Variants in SRRM5 observed in about 807,000 individuals in gnomAD.
SRRM5 encodes the protein serine/arginine repetitive matrix 5, also known as serine/arginine repetitive matrix protein 5.
SRRM5 carries 1 observed loss-of-function variant against 1.3 expected under a neutral mutation model. The observed-to-expected ratio is 0.76, with a 90% CI of 0.27 to 3.59. SRRM5 has a LOEUF of 3.59. SRRM5 is among the 30% of genes most tolerant of loss of function. The pLI is 0.19. For synonymous variants in SRRM5, 275 were observed against 320.2 expected, an observed-to-expected ratio of 0.86 and a Z score of 1.51; for missense variants, 875 against 914.5, an observed-to-expected ratio of 0.96 and a Z score of 0.56.
At position 43,613,544 on chromosome 19, in the gene SRRM5, C is replaced by T. The variant is rs184949308; in HGVS notation, c.1423C>T (p.Arg475Ter). The T allele has an allele frequency of 9.3e-5, 144 of 1,551,256 alleles. 2 individuals carry two copies. In the Admixed American group the frequency reaches 1.4e-3, roughly 15 times the overall value. ...TCCCAACAAGGCGAGAGATCGCAGC[C>T]GATCTAGAAGCCCCAGCAAGGAAAG... The change falls in exon 3 of 3, where the codon CGA (arginine) becomes TGA (stop). Residue 475 changes from arginine to a stop codon, truncating the protein, a stop_gained. Transcript: ENST00000607544. LOFTEE classifies it low-confidence loss of function (END_TRUNC).
Position 43,613,830 on chromosome 19 carries a change from G to A in SRRM5, c.1709G>A (p.Arg570Lys). 1.9e-6 allele frequency: 3 copies of A among 1,549,520 alleles called. No individual in the cohort carries two copies. The highest frequency in any genetic ancestry group is 2.6e-6 in the Non-Finnish European group (3 of 1,145,290). Residue 570 changes from arginine to lysine, a missense_variant, in exon 1 of 1, where the codon AGA (arginine) becomes AAA (lysine). Physicochemically the swap from Arg to Lys is conservative, Grantham distance 26. Transcript: ENST00000417606. ...AGCCCCAGCAAAGAGAGAGATCGCA[G>A]ACGATGGAGAAGCCCCAGCAAGGAG... Reference protein sequence around the residue: ...SRSPSKERDRRRWRSPSKERE... With the variant: ...SRSPSKERDRKRWRSPSKERE...
Position 43,612,100 on chromosome 19 carries a change from C to T in SRRM5, c.-22C>T, listed in dbSNP as rs919494345. On this transcript the variant is annotated 5_prime_UTR_variant, in exon 1 of 1. Coordinates refer to ENST00000417606, the MANE Select transcript of SRRM5 (RefSeq NM_001145641.2). This position sits in a 1 kb window ranked among gnomAD's most constrained non-coding sequence, Gnocchi z 4.2. Reference sequence around the variant, plus strand: ...TCATGTCTACTGTGACTTCCAGGACCACAAGCCCTTTTGCGCCCACCATGT... The same window carrying T: ...TCATGTCTACTGTGACTTCCAGGACTACAAGCCCTTTTGCGCCCACCATGT... 6.5e-7 allele frequency: 1 copy of T among 1,533,234 alleles called. No homozygotes were observed. The highest frequency in any genetic ancestry group is 8.8e-7 in the Non-Finnish European group (1 of 1,131,118). 95.0% of individuals were successfully genotyped at this position (1,533,234 alleles called of 1,614,324 possible).
chr19:43,613,849 C>A lies in SRRM5; in HGVS notation c.1728C>A (p.Ser576Arg), dbSNP rs1205499903. The A allele has an allele frequency of 3.2e-6, 5 of 1,551,400 alleles. No individual in the cohort carries two copies. The highest frequency in any genetic ancestry group is 2.4e-5 in the South Asian group (2 of 84,052). ...ERDRRRWRSPSKERERRQSRS... is the reference protein window; with the variant it reads ...ERDRRRWRSPRKERERRQSRS... ...ATCGCAGACGATGGAGAAGCCCCAG[C>A]AAGGAGAGAGAGCGCAGACAATCTA... Residue 576 changes from serine to arginine, a missense_variant, in exon 1 of 1, where the codon AGC becomes AGA. Transcript: ENST00000417606.
rs1302830420 is a variant in SRRM5 at position 43,612,339 on chromosome 19, C to T, written c.218C>T (p.Ala73Val). ...ACCAAATCGACCAGTACAAAAAGAGCCCCTTCTAACCGGCCCAGCAGCAGG... is the reference window on the plus strand; with the variant it reads ...ACCAAATCGACCAGTACAAAAAGAGTCCCTTCTAACCGGCCCAGCAGCAGG... ...KSTKSTSTKR[A>V]PSNRPSSRSR... Residue 73 changes from alanine (A) to valine (V), a missense_variant, in exon 1 of 1, where the codon GCC (alanine) becomes GTC (valine). Coordinates refer to ENST00000417606, the MANE Select transcript of SRRM5 (RefSeq NM_001145641.2). The surrounding 1 kb of genome is among the most constrained non-coding windows in gnomAD (Gnocchi z 4.2). The T allele has an allele frequency of 1.1e-5, 17 of 1,551,660 alleles. No homozygotes were observed. Among genetic ancestry groups the T allele is most frequent in the Non-Finnish European group, 1.5e-5 (17 of 1,146,996 alleles).
rs1272154129 is a variant in SRRM5, at chr19:43,613,825, T to G, written c.1704T>G (p.Asp568Glu). Reference sequence around the variant, plus strand: ...CCAGAAGCCCCAGCAAAGAGAGAGATCGCAGACGATGGAGAAGCCCCAGCA... The same window carrying G: ...CCAGAAGCCCCAGCAAAGAGAGAGAGCGCAGACGATGGAGAAGCCCCAGCA... ...RQSRSPSKER[D>E]RRRWRSPSKE... The change falls in exon 1 of 1, where the codon GAT becomes GAG. Residue 568 changes from aspartate (D) to glutamate (E), a missense_variant. Physicochemically the swap from Asp to Glu is conservative, Grantham distance 45 (BLOSUM62 2). Coordinates refer to ENST00000417606, the MANE Select transcript of SRRM5 (RefSeq NM_001145641.2). 7 of 1,548,832 alleles carry G rather than the reference T, an allele frequency of 4.5e-6. No homozygotes were observed. Among genetic ancestry groups the G allele is most frequent in the Non-Finnish European group, 6.1e-6 (7 of 1,145,146 alleles).
Position 43,612,824 on chromosome 19 carries a change from T to A in SRRM5, c.703T>A (p.Ser235Thr), listed in dbSNP as rs1016440276. 2 of 1,551,290 alleles carry A rather than the reference T, an allele frequency of 1.3e-6. No individual in the cohort carries two copies. Among genetic ancestry groups the A allele is most frequent in the African/African-American group, 2.7e-5 (2 of 72,964 alleles). ...CTCCAAGGAGAAGAGTGACAACCCA[T>A]CTCCATCCTCATCAAGGAAGGTGAA... ...IPSKEKSDNP[S>T]PSSSRKVKSY... Residue 235 changes from serine to threonine, a missense_variant, in exon 1 of 1, where the codon TCT becomes ACT. By Grantham distance (58) the Ser-to-Thr change is moderately conservative. Coordinates refer to ENST00000417606, the MANE Select transcript of SRRM5 (RefSeq NM_001145641.2). This position sits in a 1 kb window ranked among gnomAD's most constrained non-coding sequence, Gnocchi z 4.2.
Position 43,613,167 on chromosome 19 carries a change from G to A in SRRM5, c.1046G>A (p.Arg349Lys). The change falls in exon 1 of 1, where the codon AGA becomes AAA. Residue 349 changes from arginine to lysine, a missense_variant. Arg to Lys is a conservative substitution (Grantham distance 26, BLOSUM62 2). Transcript: ENST00000417606. Reference sequence around the variant, plus strand: ...CAAAACCAATCTAGAACCCCCAGAAGAGGAAGAAGTCACAACTGGTCTAGA... The same window carrying A: ...CAAAACCAATCTAGAACCCCCAGAAAAGGAAGAAGTCACAACTGGTCTAGA... ...KSQNQSRTPR[R>K]GRSHNWSRNP... 1 of 1,551,672 alleles carries A rather than the reference G, an allele frequency of 6.4e-7. No homozygotes were observed. The highest frequency in any genetic ancestry group is 8.7e-7 in the Non-Finnish European group (1 of 1,146,996).
Position 43,613,760 on chromosome 19 carries a change from C to A in SRRM5, c.1639C>A (p.Gln547Lys), listed in dbSNP as rs1272874136. ...CCCCAACAAGGAGAGAGATCGCAGC[C>A]AATCTAGAAGCCCCAGCGAGGAGAG... ...RSPNKERDRSQSRSPSEEREH... is the reference protein window; with the variant it reads ...RSPNKERDRSKSRSPSEEREH... Residue 547 changes from glutamine to lysine, a missense_variant, in exon 1 of 1, where the codon CAA becomes AAA. Physicochemically the swap from Gln to Lys is moderately conservative, Grantham distance 53. Coordinates refer to ENST00000417606, the MANE Select transcript of SRRM5 (RefSeq NM_001145641.2). 6.4e-7 allele frequency: 1 copy of A among 1,551,518 alleles called. No homozygotes were observed. The highest frequency in any genetic ancestry group is 8.7e-7 in the Non-Finnish European group (1 of 1,146,884).
Position 43,613,753 on chromosome 19 carries a change from T to G in SRRM5, c.1632T>G (p.Asp544Glu), listed in dbSNP as rs762975116. 2.6e-6 allele frequency: 4 copies of G among 1,550,554 alleles called. No homozygotes were observed. The South Asian group carries it at 4.8e-5, about 18-fold the overall frequency. ...RQSRSPNKERDRSQSRSPSEE... is the reference protein window; with the variant it reads ...RQSRSPNKERERSQSRSPSEE... ...CTAGAAGCCCCAACAAGGAGAGAGA[T>G]CGCAGCCAATCTAGAAGCCCCAGCG... Residue 544 changes from aspartate to glutamate, a missense_variant, in exon 1 of 1, where the codon GAT becomes GAG. Physicochemically the swap from Asp to Glu is conservative, Grantham distance 45 (BLOSUM62 2). Transcript: ENST00000417606.
chr19:43,612,106 C>T lies in SRRM5; in HGVS notation c.-16C>T. On this transcript the variant is annotated 5_prime_UTR_variant, in exon 1 of 1. Coordinates refer to ENST00000417606, the MANE Select transcript of SRRM5 (RefSeq NM_001145641.2). The surrounding 1 kb of genome is among the most constrained non-coding windows in gnomAD (Gnocchi z 4.2). ...CTACTGTGACTTCCAGGACCACAAGCCCTTTTGCGCCCACCATGTCTTCAC... is the reference window on the plus strand; with the variant it reads ...CTACTGTGACTTCCAGGACCACAAGTCCTTTTGCGCCCACCATGTCTTCAC... 1 of 1,540,234 alleles carries T rather than the reference C, an allele frequency of 6.5e-7. No individual in the cohort carries two copies. The highest frequency in any genetic ancestry group is 8.8e-7 in the Non-Finnish European group (1 of 1,137,270).
chr19:43,613,160 C>A lies in SRRM5; in HGVS notation c.1039C>A (p.Pro347Thr). ...GAAAAGTCAAAACCAATCTAGAACCCCCAGAAGAGGAAGAAGTCACAACTG... is the reference window on the plus strand; with the variant it reads ...GAAAAGTCAAAACCAATCTAGAACCACCAGAAGAGGAAGAAGTCACAACTG... ...KGKSQNQSRT[P>T]RRGRSHNWSR... Residue 347 changes from proline to threonine, a missense_variant, in exon 1 of 1, where the codon CCC (proline) becomes ACC (threonine). By Grantham distance (38) the Pro-to-Thr change is conservative. Transcript: ENST00000417606. The A allele has an allele frequency of 6.4e-7, 1 of 1,551,638 alleles. No homozygotes were observed. The highest frequency in any genetic ancestry group is 2.4e-5 in the East Asian group (1 of 40,914).
In SRRM5 at chr19:43,613,688, C is replaced by T. The variant is rs756714810; in HGVS notation, c.1567C>T (p.Arg523Ter). The T allele has an allele frequency of 5.2e-6, 8 of 1,551,338 alleles. No homozygotes were observed. The highest frequency in any genetic ancestry group is 4.1e-5 in the African/African-American group (3 of 72,980). ...CTCCAGCAAAGAGAGAGATCACAGA[C>T]GATCTAGAAGCCCCAGCAAGGAGAG... is the stretch of plus-strand genomic sequence containing the variant. Residue 523 changes from arginine to a stop codon, truncating the protein, a stop_gained, in exon 3 of 3, where the codon CGA (arginine) becomes TGA (stop). Coordinates refer to the SRRM5 transcript ENST00000607544. LOFTEE classifies it low-confidence loss of function (END_TRUNC).
In SRRM5 at chr19:43,612,856, C is replaced by T. The variant is rs1037959874; in HGVS notation, c.735C>T (p.Tyr245=). 73 of 1,551,650 alleles carry T rather than the reference C, an allele frequency of 4.7e-5. No individual in the cohort carries two copies. Among genetic ancestry groups the T allele is most frequent in the Non-Finnish European group, 5.4e-5 (62 of 1,146,992 alleles). Residue 245 remains tyrosine (Y), a synonymous_variant, in exon 1 of 1, where the codon TAC becomes TAT. Coordinates refer to ENST00000417606, the MANE Select transcript of SRRM5 (RefSeq NM_001145641.2). This position sits in a 1 kb window ranked among gnomAD's most constrained non-coding sequence, Gnocchi z 4.2. ...CCTCATCAAGGAAGGTGAAGAGCTA[C>T]GGTCAGATGATCATCCCCAGTAGGG... The part of the protein sequence containing the change: ...SPSSSRKVKS[Y]GQMIIPSREK...
Position 43,612,746 on chromosome 19 carries a change from G to A in SRRM5, c.625G>A (p.Glu209Lys), listed in dbSNP as rs761159656. ...AGGCTCAGGTATAGGGAGGAGTTCC[G>A]AGCTGGCTGTAACTCCCAGTACAGC... ...PGGSGIGRSS[E>K]LAVTPSTAKC... Residue 209 changes from glutamate (E) to lysine (K), a missense_variant, in exon 1 of 1, where the codon GAG (glutamate) becomes AAG (lysine). By Grantham distance (56) the Glu-to-Lys change is moderately conservative (BLOSUM62 1). Transcript: ENST00000417606. This position sits in a 1 kb window ranked among gnomAD's most constrained non-coding sequence, Gnocchi z 4.2. 36 of 1,551,458 alleles carry A rather than the reference G, an allele frequency of 2.3e-5. No homozygotes were observed. The highest frequency in any genetic ancestry group is 4.9e-5 in the East Asian group (2 of 40,926).
Position 43,613,557 on chromosome 19 carries a change from C to T in SRRM5, c.1436C>T (p.Pro479Leu), listed in dbSNP as rs1973332288. The T allele has an allele frequency of 6.4e-7, 1 of 1,551,354 alleles. No individual in the cohort carries two copies. The highest frequency in any genetic ancestry group is 2.0e-5 in the Admixed American group (1 of 50,976). The stretch of plus-strand genomic sequence containing the variant: ...AGAGATCGCAGCCGATCTAGAAGCC[C>T]CAGCAAGGAAAGAGATCACAGCCAA... Reference protein sequence around the residue: ...KARDRSRSRSPSKERDHSQLG... With the variant: ...KARDRSRSRSLSKERDHSQLG... Residue 479 changes from proline to leucine, a missense_variant, in exon 1 of 1, where the codon CCC (proline) becomes CTC (leucine). Pro to Leu is a moderately conservative substitution (Grantham distance 98, BLOSUM62 -3). Transcript: ENST00000417606.
Position 43,612,513 on chromosome 19 carries a change from G to T in SRRM5, c.392G>T (p.Ser131Ile). The change falls in exon 1 of 1, where the codon AGC becomes ATC. Residue 131 changes from serine to isoleucine, a missense_variant. Transcript: ENST00000417606. The surrounding 1 kb of genome is among the most constrained non-coding windows in gnomAD (Gnocchi z 4.2). ...ACACCTGGCAGAAGGGGAAGCCGCA[G>T]CTCCAAGAGGTCACCCAGCAGGGCC... is the stretch of plus-strand genomic sequence containing the variant. ...GRTPGRRGSR[S>I]SKRSPSRAST... The T allele has an allele frequency of 6.4e-7, 1 of 1,551,472 alleles. No homozygotes were observed. The highest frequency in any genetic ancestry group is 8.7e-7 in the Non-Finnish European group (1 of 1,146,992).
rs1973352376 is a variant in SRRM5, at chr19:43,614,483, A to C, written c.*214A>C. On this transcript the variant is annotated 3_prime_UTR_variant, in exon 1 of 1. Coordinates refer to ENST00000417606, the MANE Select transcript of SRRM5 (RefSeq NM_001145641.2). ...CTGTGATGATTCAATAAATTTTTAC[A>C]TAGCACCCATCCCCACCAAGCCCAA... 3 of 1,420,614 alleles carry C rather than the reference A, an allele frequency of 2.1e-6. No homozygotes were observed. In the East Asian group the frequency reaches 7.6e-5, roughly 36 times the overall value. 88.0% of individuals were successfully genotyped at this position (1,420,614 alleles called of 1,614,324 possible).
In SRRM5 at chr19:43,612,755, G is replaced by C. The variant is rs1365285592; in HGVS notation, c.634G>C (p.Val212Leu). ...SGIGRSSELA[V>L]TPSTAKCQTP... ...TATAGGGAGGAGTTCCGAGCTGGCT[G>C]TAACTCCCAGTACAGCCAAGTGTCA... Residue 212 changes from valine (V) to leucine (L), a missense_variant, in exon 1 of 1, where the codon GTA becomes CTA. Coordinates refer to ENST00000417606, the MANE Select transcript of SRRM5 (RefSeq NM_001145641.2). This position sits in a 1 kb window ranked among gnomAD's most constrained non-coding sequence, Gnocchi z 4.2. 6 of 1,551,624 alleles carry C rather than the reference G, an allele frequency of 3.9e-6. No homozygotes were observed. The South Asian group carries it at 4.8e-5, about 12-fold the overall frequency.
rs1973347608 is a variant in SRRM5 at position 43,614,197 on chromosome 19, A to G, written c.2076A>G (p.Gln692=). 3.7e-6 allele frequency: 6 copies of G among 1,614,228 alleles called. No individual in the cohort carries two copies. Among genetic ancestry groups the G allele is most frequent in the Non-Finnish European group, 5.1e-6 (6 of 1,180,032 alleles). Residue 692 remains glutamine (Q), a synonymous_variant, in exon 1 of 1, where the codon CAA becomes CAG. Coordinates refer to ENST00000417606, the MANE Select transcript of SRRM5 (RefSeq NM_001145641.2). ...AAACCCTAAGCCAGGATGACAGTCAAGCCGACGCCACCACCTCTAAGGCCA... is the reference window on the plus strand; with the variant it reads ...AAACCCTAAGCCAGGATGACAGTCAGGCCGACGCCACCACCTCTAAGGCCA... ...GGQTLSQDDS[Q]ADATTSKATL...
Sources: allele counts gnomAD v4.1 joint callset, GRCh38; gene constraint gnomAD v4.1.1; non-coding constraint Gnocchi (gnomAD v3.1); transcripts MANE v1.5; gene names NCBI Gene and HGNC (gene_info 2026-07-23, HGNC 2026-07-21).